Variants in NCALD observed in about 807,000 individuals in gnomAD.
NCALD encodes the protein neurocalcin delta, also known as neurocalcin-delta.
Under a neutral mutation model 18.6 loss-of-function variants are expected in NCALD, and 10 were observed. The observed-to-expected ratio is 0.54, with a 90% CI of 0.33 to 0.91. The LOEUF (loss-of-function observed/expected upper bound fraction) is 0.91. Among genes scored for constraint, NCALD ranks in the 40% least tolerant of loss-of-function variants. The pLI is 0.03. For missense variants in NCALD, 184 were observed against 247.6 expected (o/e 0.74, Z 1.72); for synonymous variants, 88 against 87.4 (o/e 1.01, Z -0.04).
intron 4 of NCALD, among the ~76,000 whole-genome samples, chr8:101,854,123 G>A (rs1815207841): frequency 6.6e-6 from 1 of 152,190 alleles, no homozygotes; most frequent in Non-Finnish European, 1.5e-5. Context: ...AGTTCTACTT[G>A]CTCTTTACTC....
intron 1 of NCALD, among the ~76,000 whole-genome samples, chr8:102,076,698 T>A (rs1339625959): frequency 6.9e-6 from 1 of 144,652 alleles, no homozygotes; most frequent in Non-Finnish European, 1.5e-5. Flanking sequence ...TCTGGCTGCA[T>A]CTTTAACCAT....
At chr8:101,941,540 A>G (rs1327548069) in intron 2 of NCALD, among the ~76,000 whole-genome samples, 2 of 152,210 alleles carry the variant, frequency 1.3e-5, no homozygotes, top group African/African-American at 4.8e-5. Flanking sequence ...TTCATTCACT[A>G]TATGTATATA....
chr8:101,772,392 A>G (rs1811620668), intron 1 of NCALD, among the ~76,000 whole-genome samples: 1 of 152,344 alleles, frequency 6.6e-6, no homozygotes, highest in Middle Eastern at 3.4e-3. Context: ...ACTCTGATTT[A>G]GAAATCGTAT....
intron 1 of NCALD, among the ~76,000 whole-genome samples, chr8:101,754,326 A>T (rs1810783798): frequency 6.6e-6 from 1 of 152,188 alleles, no homozygotes; most frequent in African/African-American, 2.4e-5. Flanking sequence ...CAGCTCTACA[A>T]GTTGGGTATT....
intron 2 of NCALD, among the ~76,000 whole-genome samples, chr8:101,931,614 CT>C (rs58954851): frequency 5.4e-5 from 8 of 149,500 alleles, no homozygotes; most frequent in South Asian, 2.1e-4. Context: ...AATCACCTTC[CT>C]TTTTTTTTTC....
intron 4 of NCALD, among the ~76,000 whole-genome samples, chr8:101,815,664 T>C (rs1441902728): frequency 2.6e-5 from 4 of 152,134 alleles, no homozygotes; most frequent in Admixed American, 2.0e-4. Context: ...CTGGTGAGAA[T>C]GTGGAGCAAC....
chr8:101,770,524 T>TG (rs902325701), intron 1 of NCALD, among the ~76,000 whole-genome samples: 4 of 152,138 alleles, frequency 2.6e-5, no homozygotes, highest in Non-Finnish European at 4.4e-5. Flanking sequence ...TGCAAACTCC[T>TG]GGGGGGGCTT....
At chr8:101,733,751 C>T (rs1411256314) in intron 1 of NCALD, among the ~76,000 whole-genome samples, 1 of 152,076 alleles carries the variant, frequency 6.6e-6, no homozygotes, top group Non-Finnish European at 1.5e-5. Flanking sequence ...GCTTCCAGCC[C>T]GACTCCCCTC....
At chr8:102,039,362 CT>C (rs1822973676) in intron 1 of NCALD, among the ~76,000 whole-genome samples, 1 of 152,178 alleles carries the variant, frequency 6.6e-6, no homozygotes. Flanking sequence ...CTTTATCACA[CT>C]TGCATTGTCT....
chr8:101,915,571 G>C (rs1041978634), intron 3 of NCALD: 4 of 152,178 alleles, frequency 2.6e-5, no homozygotes, highest in African/African-American at 7.2e-5. Context: ...TTATTATGCT[G>C]TAAGTAATAT....
chr8:102,021,481 A>C (rs1397940773), intron 1 of NCALD, among the ~76,000 whole-genome samples: 1 of 152,210 alleles, frequency 6.6e-6, no homozygotes, highest in Non-Finnish European at 1.5e-5. Flanking sequence ...TTGGATTTGT[A>C]TGATGCCCAT....
chr8:101,771,750 T>C (rs777485335), intron 1 of NCALD, among the ~76,000 whole-genome samples: 2 of 152,222 alleles, frequency 1.3e-5, no homozygotes, highest in South Asian at 2.1e-4. Context: ...ATTTATGCCT[T>C]ATTATTCTTA....
chr8:101,738,869 A>G (rs1810055163), intron 1 of NCALD, among the ~76,000 whole-genome samples: 1 of 152,106 alleles, frequency 6.6e-6, no homozygotes, highest in Non-Finnish European at 1.5e-5. Flanking sequence ...CAGTATCTTA[A>G]TCACCTTCAT....
intron 1 of NCALD, among the ~76,000 whole-genome samples, chr8:102,045,934 T>C (rs17414289): frequency 0.072 from 10,972 of 152,278 alleles, 522 homozygotes; most frequent in East Asian, 0.12. Flanking sequence ...ATTGAGCCTA[T>C]AATGTGGCAA....
chr8:101,955,672 T>C (rs1246694804), intron 2 of NCALD, among the ~76,000 whole-genome samples: 1 of 152,200 alleles, frequency 6.6e-6, no homozygotes, highest in Non-Finnish European at 1.5e-5. Flanking sequence ...TAATCTATTT[T>C]CGGTTTAATT....
At chr8:102,065,562 T>C (rs636089) in intron 1 of NCALD, among the ~76,000 whole-genome samples, 43,035 of 152,182 alleles carry the variant, frequency 0.28, 7,285 homozygotes, top group East Asian at 0.42. Context: ...AATTCAGCTT[T>C]CTTTGTTCTC....
chr8:102,038,598 A>G (rs776057717), intron 1 of NCALD, among the ~76,000 whole-genome samples: 1 of 152,172 alleles, frequency 6.6e-6, no homozygotes, highest in Non-Finnish European at 1.5e-5. Flanking sequence ...TGCAGCATTC[A>G]CCAGAATAGC....
At chr8:101,956,656 T>A (rs754351291) in intron 2 of NCALD, among the ~76,000 whole-genome samples, 18 of 151,688 alleles carry the variant, frequency 1.2e-4, no homozygotes, top group Admixed American at 3.3e-4. Context: ...AGAGAGAGAC[T>A]ATCTACTCTG....
upstream of NCALD, among the ~76,000 whole-genome samples, chr8:101,794,703 G>T (rs1288542300): frequency 1.1e-4 from 16 of 152,046 alleles, no homozygotes; most frequent in Non-Finnish European, 5.9e-5. Context: ...TATGAGGCAG[G>T]CACTATTCCA....
Sources: gnomAD v4.1 joint callset for allele counts (sites outside exome capture counted in the v4.1 genomes callset) on GRCh38, gnomAD v4.1.1 for gene constraint, MANE v1.5 for transcripts, NCBI Gene and HGNC (gene_info 2026-07-23, HGNC 2026-07-21) for gene names.